Variants in CNTN4 observed in about 807,000 individuals in gnomAD.
CNTN4 encodes the protein contactin-4.
Under a neutral mutation model 122.5 loss-of-function variants are expected in CNTN4, and 77 were observed. That is an observed-to-expected ratio of 0.63 (90% CI 0.52 to 0.76). The LOEUF (loss-of-function observed/expected upper bound fraction) is 0.76, where lower values mean the gene tolerates loss of function less well. Among genes scored for constraint, CNTN4 ranks in the 30% least tolerant of loss-of-function variants. The pLI is 0.00. For missense variants in CNTN4, 1,256 were observed against 1,259.1 expected, an observed-to-expected ratio of 1.00 and a Z score of 0.04; for synonymous variants, 512 against 447.0, an observed-to-expected ratio of 1.15 and a Z score of -1.83.
chr3:2,803,867 C>G (rs372612776), intron 6 of CNTN4, among the ~76,000 whole-genome samples: 3 of 151,984 alleles, frequency 2.0e-5, no homozygotes, highest in African/African-American at 7.2e-5. Flanking sequence ...GGCAGTAATT[C>G]TTATGAAGAA....
Position 2,258,598 on chromosome 3 carries a change from T to C in CNTN4, c.-144-80580T>C, listed in dbSNP as rs2040695311. Among the ~76,000 whole-genome samples the C allele has an allele frequency of 2.6e-5, 4 of 152,320 alleles. No homozygotes were observed. The South Asian group carries it at 8.3e-4, about 32-fold the overall frequency. ...CCTGCTAGTGTACTGTGTTTGCTCA[T>C]GTTTATGAACCTACCACACATAATA... On this transcript the variant is annotated intron_variant, in intron 2 of 24. Coordinates refer to ENST00000418658, the MANE Select transcript of CNTN4 (RefSeq NM_175607.3).
chr3:2,757,854 A>G (rs939501830), intron 6 of CNTN4, among the ~76,000 whole-genome samples: 7 of 152,188 alleles, frequency 4.6e-5, no homozygotes, highest in African/African-American at 1.4e-4. Context: ...TTAAATTCCA[A>G]ACTAGCCACT....
At chr3:2,366,355 C>T (rs1282150849) in intron 3 of CNTN4, among the ~76,000 whole-genome samples, 1 of 152,152 alleles carries the variant, frequency 6.6e-6, no homozygotes, top group East Asian at 1.9e-4. Context: ...ACATCAGGAC[C>T]TAAATTCTGG....
chr3:3,015,033 C>G (rs1697617109), intron 14 of CNTN4, among the ~76,000 whole-genome samples: 1 of 152,008 alleles, frequency 6.6e-6, no homozygotes, highest in African/African-American at 2.4e-5. Flanking sequence ...CAATGATTTG[C>G]CTCTTTCTCT....
intron 2 of CNTN4, among the ~76,000 whole-genome samples, chr3:2,180,844 A>G (rs1419617832): frequency 6.6e-6 from 1 of 152,116 alleles, no homozygotes; most frequent in Admixed American, 6.6e-5. Flanking sequence ...GAAGAATCAC[A>G]TGCCATTGTG....
intron 4 of CNTN4, among the ~76,000 whole-genome samples, chr3:2,576,735 A>G (rs989519579): frequency 1.6e-4 from 24 of 151,936 alleles, no homozygotes; most frequent in African/African-American, 5.6e-4. Flanking sequence ...TCTAGTAGAG[A>G]CGGGGTTTTG....
chr3:3,052,760 T>A (rs1701389508), intron 23 of CNTN4, among the ~76,000 whole-genome samples: 1 of 152,160 alleles, frequency 6.6e-6, no homozygotes, highest in African/African-American at 2.4e-5. Context: ...TGCAGATATG[T>A]CCAGGGTGAC....
intron 3 of CNTN4, among the ~76,000 whole-genome samples, chr3:2,411,773 T>A (rs1355057600): frequency 6.6e-6 from 1 of 152,200 alleles, no homozygotes; most frequent in Non-Finnish European, 1.5e-5. Context: ...TTTTTGTGCC[T>A]TTTTGCTTTT....
chr3:2,815,072 T>A (rs543999627), intron 6 of CNTN4, among the ~76,000 whole-genome samples: 1 of 152,304 alleles, frequency 6.6e-6, no homozygotes, highest in African/African-American at 2.4e-5. Context: ...TCTCTCACCT[T>A]ATACAAAAAG....
intron 13 of CNTN4, among the ~76,000 whole-genome samples, chr3:2,963,102 A>C (rs530792004): frequency 3.3e-5 from 5 of 152,294 alleles, no homozygotes; most frequent in African/African-American, 1.2e-4. Context: ...CCATCGAGTC[A>C]GACTGAGTTT....
At chr3:2,808,146 C>T (rs1397306617) in intron 6 of CNTN4, among the ~76,000 whole-genome samples, 2 of 152,092 alleles carry the variant, frequency 1.3e-5, no homozygotes, top group Admixed American at 6.5e-5. Flanking sequence ...CACTTTGAAG[C>T]AGGGTTTTTC....
intron 3 of CNTN4, among the ~76,000 whole-genome samples, chr3:2,384,396 T>G (rs2046156878): frequency 6.6e-6 from 1 of 152,152 alleles, no homozygotes; most frequent in Non-Finnish European, 1.5e-5. Context: ...CAAAGTCGCC[T>G]AATTACTCGC....
chr3:2,771,732 G>A (rs528404983), intron 6 of CNTN4, among the ~76,000 whole-genome samples: 1 of 152,290 alleles, frequency 6.6e-6, no homozygotes, highest in African/African-American at 2.4e-5. Flanking sequence ...GTACTTTAGT[G>A]GAAGAGAAAG....
chr3:2,954,207 C>T (rs1034568135), intron 13 of CNTN4, among the ~76,000 whole-genome samples: 41 of 152,244 alleles, frequency 2.7e-4, no homozygotes, highest in Middle Eastern at 3.4e-3. Flanking sequence ...CATCCTCTGA[C>T]GCCTCTGCTT....
At position 2,287,572 on chromosome 3, in the gene CNTN4, T is replaced by C. The variant is rs185505648; in HGVS notation, c.-144-51606T>C. Among the ~76,000 whole-genome samples, 321 of 149,878 alleles carry C rather than the reference T, an allele frequency of 2.1e-3. 1 individual carries two copies. Among genetic ancestry groups the C allele is most frequent in the Non-Finnish European group, 4.1e-4 (28 of 67,696 alleles). On this transcript the variant is annotated intron_variant, in intron 2 of 24. Coordinates refer to ENST00000418658, the MANE Select transcript of CNTN4 (RefSeq NM_175607.3). ...GAGCTGTGATTGTGCCACTGCACTT[T>C]AGCCTGGATGACAGAGTGAGACCCT...
chr3:2,521,343 T>TCGGCCCCCCCCCC (rs781282977), intron 3 of CNTN4, among the ~76,000 whole-genome samples: 11 of 128,306 alleles, frequency 8.6e-5, no homozygotes, highest in African/African-American at 1.6e-4. Flanking sequence ...CCTCTACCCA[T>TCGGCCCCCCCCCC]CCCCCCCACC....
intron 2 of CNTN4, among the ~76,000 whole-genome samples, chr3:2,332,879 A>C (rs138705532): frequency 6.6e-4 from 99 of 150,584 alleles, no homozygotes; most frequent in African/African-American, 2.2e-3. Flanking sequence ...AAAGTATAAT[A>C]ATAAAATAAA....
intron 12 of CNTN4, among the ~76,000 whole-genome samples, chr3:2,912,518 A>G (rs912722244): frequency 6.6e-6 from 1 of 152,260 alleles, no homozygotes. Flanking sequence ...AAAGGTAAAC[A>G]TACAGACAAA....
At chr3:2,854,226 TG>T (rs1180587537) in intron 7 of CNTN4, among the ~76,000 whole-genome samples, 2 of 151,272 alleles carry the variant, frequency 1.3e-5, no homozygotes, top group African/African-American at 4.9e-5. Context: ...AAAAGCATCT[TG>T]GGCCATAATG....
Sources: gnomAD v4.1 joint callset for allele counts (sites outside exome capture counted in the v4.1 genomes callset) on GRCh38, gnomAD v4.1.1 for gene constraint, MANE v1.5 for transcripts, NCBI Gene and HGNC (gene_info 2026-07-23, HGNC 2026-07-21) for gene names.